Variants in ZHX3 observed in about 807,000 individuals in gnomAD.
ZHX3 encodes the protein zinc fingers and homeoboxes 3, also known as zinc fingers and homeoboxes protein 3.
In ZHX3, 20 loss-of-function variants were observed where a neutral mutation model predicts 64.5. That is an observed-to-expected ratio of 0.31 (90% CI 0.22 to 0.45). The LOEUF (loss-of-function observed/expected upper bound fraction) is 0.45. Among genes scored for constraint, ZHX3 ranks in the 20% least tolerant of loss-of-function variants. ZHX3 has a pLI of 1.00. For synonymous variants in ZHX3, 423 were observed against 461.6 expected, an observed-to-expected ratio of 0.92 and a Z score of 1.07; for missense variants, 1,041 against 1,195.8, an observed-to-expected ratio of 0.87 and a Z score of 1.91.
At chr20:41,289,465 T>C (rs2044114148) in intron 1 of ZHX3, among the ~76,000 whole-genome samples, 1 of 152,188 alleles carries the variant, frequency 6.6e-6, no homozygotes, top group Admixed American at 6.5e-5. Flanking sequence ...CTCCTTGTTT[T>C]ACTCCAAATT....
intron 2 of ZHX3, among the ~76,000 whole-genome samples, chr20:41,267,823 A>G (rs1300835124): frequency 6.6e-6 from 1 of 152,230 alleles, no homozygotes; most frequent in Non-Finnish European, 1.5e-5. Context: ...ATTTCTGGGC[A>G]GACTGAAGCA....
rs754629961 is a variant in ZHX3, at chr20:41,181,722, C to A, written c.*3469G>T. The stretch of plus-strand genomic sequence containing the variant: ...GAGCAGGATAAAACCCACAAGGGCA[C>A]ATCTCAGGCTACGGAATAGAGAGAT... On this transcript the variant is annotated 3_prime_UTR_variant, in exon 4 of 4. Coordinates refer to ENST00000683867, the MANE Select transcript of ZHX3 (RefSeq NM_001384317.1). The A allele has an allele frequency of 1.3e-5, 2 of 152,258 alleles. No homozygotes were observed. The highest frequency in any genetic ancestry group is 4.8e-5 in the African/African-American group (2 of 41,464). 9.4% of individuals were successfully genotyped at this position (152,258 alleles called of 1,614,324 possible).
chr20:41,282,361 C>CTTTTTTTTTTTTTT lies in ZHX3; in HGVS notation c.-244-13292_-244-13279dup. Among the ~76,000 whole-genome samples the CTTTTTTTTTTTTTT allele has an allele frequency of 5.6e-3, 548 of 97,156 alleles. 52 individuals are homozygous for CTTTTTTTTTTTTTT. Among genetic ancestry groups the CTTTTTTTTTTTTTT allele is most frequent in the Non-Finnish European group, 7.1e-3 (361 of 50,898 alleles). The allele number at this position is 97,156 out of a possible 152,430, so 63.7% of individuals were successfully genotyped here. A position where few individuals can be genotyped will look rare whatever the true frequency, so the allele number is the denominator to read the frequency against. The stretch of plus-strand genomic sequence containing the variant: ...TAGAGGTCCATTAGACACAATTCAT[C>CTTTTTTTTTTTTTT]TTTTTTTTTTTTTTTTTTTGCGAAG... On this transcript the variant is annotated intron_variant, in intron 1 of 3. Transcript: ENST00000683867.
At chr20:41,281,562 G>T (rs1208425348) in intron 1 of ZHX3, among the ~76,000 whole-genome samples, 1 of 152,198 alleles carries the variant, frequency 6.6e-6, no homozygotes, top group African/African-American at 2.4e-5. Flanking sequence ...CTGGGAGTAG[G>T]AAAGAGTAGC....
rs116730831 is a variant in ZHX3 at position 41,193,805 on chromosome 20, C to T, written c.2860+8252G>A. Among the ~76,000 whole-genome samples the T allele has an allele frequency of 7.7e-3, 1,172 of 151,794 alleles. 11 individuals carry two copies. Among genetic ancestry groups the T allele is most frequent in the African/African-American group, 0.027 (1,110 of 41,352 alleles). The stretch of plus-strand genomic sequence containing the variant: ...CACTGCAAGCTCTGCCTGCCAGGCT[C>T]AAGTGATTCTCCTGCCTCAGCCCTA... On this transcript the variant is annotated intron_variant, in intron 3 of 3. Transcript: ENST00000683867.
At chr20:41,198,306 T>C (rs919829200) in intron 3 of ZHX3, among the ~76,000 whole-genome samples, 1 of 152,238 alleles carries the variant, frequency 6.6e-6, no homozygotes, top group Non-Finnish European at 1.5e-5. Context: ...TATTTTTTCT[T>C]ATGGCTTCAA....
chr20:41,317,110 T>G (rs1405302552), intron 1 of ZHX3: 1 of 152,836 alleles, frequency 6.5e-6, no homozygotes, highest in Non-Finnish European at 1.5e-5. Context: ...CACTCGGGCA[T>G]GCACTCTCAC....
At chr20:41,215,839 C>T (rs912678321) in intron 2 of ZHX3, among the ~76,000 whole-genome samples, 3 of 149,596 alleles carry the variant, frequency 2.0e-5, no homozygotes, top group African/African-American at 7.4e-5. Flanking sequence ...GTAGTCCCAG[C>T]CACTCAGGAG....
intron 2 of ZHX3, among the ~76,000 whole-genome samples, chr20:41,266,692 C>T (rs1164454222): frequency 5.9e-5 from 9 of 151,594 alleles, no homozygotes; most frequent in African/African-American, 1.2e-4. Flanking sequence ...ACTACAGGCG[C>T]GCGCCACTGC....
At chr20:41,250,898 T>C (rs2041960090) in intron 2 of ZHX3, among the ~76,000 whole-genome samples, 1 of 152,122 alleles carries the variant, frequency 6.6e-6, no homozygotes, top group South Asian at 2.1e-4. Flanking sequence ...TGTAATCCTA[T>C]GACTTTGGGA....
At chr20:41,249,724 A>G (rs556541881) in intron 2 of ZHX3, among the ~76,000 whole-genome samples, 24 of 152,332 alleles carry the variant, frequency 1.6e-4, no homozygotes, top group Middle Eastern at 3.4e-3. Context: ...GATGGTCTAA[A>G]CCCATTTCTC....
chr20:41,301,042 G>A (rs1471949464), intron 1 of ZHX3, among the ~76,000 whole-genome samples: 2 of 152,218 alleles, frequency 1.3e-5, no homozygotes, highest in African/African-American at 4.8e-5. Flanking sequence ...AAGTGGCAGT[G>A]ACAGAGGCCA....
At position 41,231,973 on chromosome 20, in the gene ZHX3, C is replaced by T. The variant is rs1056980998; in HGVS notation, c.-150-26907G>A. Among the ~76,000 whole-genome samples the T allele has an allele frequency of 1.6e-3, 245 of 152,316 alleles. 1 individual carries two copies. Among genetic ancestry groups the T allele is most frequent in the African/African-American group, 5.6e-3 (234 of 41,568 alleles). The stretch of plus-strand genomic sequence containing the variant: ...ATTGGCCTGGAGATGTGGAAACTAG[C>T]TATGGAAACTAGATGGTTAAAACAA... On this transcript the variant is annotated intron_variant, in intron 2 of 3. Coordinates refer to ENST00000683867, the MANE Select transcript of ZHX3 (RefSeq NM_001384317.1).
intron 3 of ZHX3, among the ~76,000 whole-genome samples, chr20:41,199,295 T>C (rs781140701): frequency 3.3e-5 from 5 of 152,202 alleles, no homozygotes; most frequent in Non-Finnish European, 5.9e-5. Context: ...TTCTATTTCT[T>C]TTTATGTTTT....
At chr20:41,313,241 T>G (rs1356453378) in intron 1 of ZHX3, among the ~76,000 whole-genome samples, 3 of 151,874 alleles carry the variant, frequency 2.0e-5, no homozygotes, top group South Asian at 4.2e-4. Context: ...GAGAGGGAGA[T>G]TGAGAGATCA....
chr20:41,248,603 G>C (rs943288679), intron 2 of ZHX3, among the ~76,000 whole-genome samples: 2 of 152,142 alleles, frequency 1.3e-5, no homozygotes, highest in African/African-American at 4.8e-5. Flanking sequence ...TTTTTTATGT[G>C]GTTACAGCTC....
intron 1 of ZHX3, among the ~76,000 whole-genome samples, chr20:41,275,278 C>T (rs148831931): frequency 2.3e-4 from 35 of 152,260 alleles, no homozygotes; most frequent in African/African-American, 6.7e-4. Context: ...ATATATTTTG[C>T]GATCTATAAT....
At chr20:41,277,838 G>A (rs113685087) in intron 1 of ZHX3, among the ~76,000 whole-genome samples, 4 of 136,408 alleles carry the variant, frequency 2.9e-5, no homozygotes, top group Admixed American at 7.3e-5. Flanking sequence ...TGATCTGCCC[G>A]CCTCGGCCTC....
chr20:41,197,369 T>C (rs974092051), intron 3 of ZHX3, among the ~76,000 whole-genome samples: 8 of 146,954 alleles, frequency 5.4e-5, no homozygotes, highest in African/African-American at 2.0e-4. Context: ...ATATATTTTA[T>C]ATATAATTGT....
Sources: allele counts gnomAD v4.1 joint callset (sites outside exome capture counted in the v4.1 genomes callset), GRCh38; gene constraint gnomAD v4.1.1; transcripts MANE v1.5; gene names NCBI Gene and HGNC (gene_info 2026-07-23, HGNC 2026-07-21).